The following GXYLT2 variants were observed in gnomAD, a reference collection of about 807,000 sequenced individuals.
GXYLT2 encodes the protein glycosyltransferase 8 domain containing 4.
A neutral mutation model predicts 45.8 loss-of-function variants in GXYLT2; 53 were observed. The observed-to-expected ratio is 1.16, with a 90% CI of 0.93 to 1.46. The LOEUF is 1.46. Among genes scored for constraint, GXYLT2 ranks in the 40% most tolerant of loss-of-function variants. The pLI, the probability that GXYLT2 is intolerant of heterozygous loss-of-function variation, is 0.00. For missense variants in GXYLT2, 551 were observed against 544.4 expected (o/e 1.01, Z -0.12); for synonymous variants, 219 against 214.2 (o/e 1.02, Z -0.19).
intron 2 of GXYLT2, among the ~76,000 whole-genome samples, chr3:72,916,487 C>T (rs1709746106): frequency 2.0e-5 from 3 of 151,720 alleles, no homozygotes; most frequent in Admixed American, 2.0e-4. Context: ...CACACCTGGC[C>T]ATAAATTCTT....
At chr3:72,897,496 C>T (rs1709317163) in intron 1 of GXYLT2, among the ~76,000 whole-genome samples, 1 of 152,198 alleles carries the variant, frequency 6.6e-6, no homozygotes, top group South Asian at 2.1e-4. Flanking sequence ...TCACCGATGG[C>T]TACAAGTGAA....
chr3:72,893,902 C>G (rs1709231874), intron 1 of GXYLT2, among the ~76,000 whole-genome samples: 2 of 151,540 alleles, frequency 1.3e-5, no homozygotes, highest in Admixed American at 1.3e-4. Flanking sequence ...AGTGTCTAAG[C>G]CCACCATCAT....
chr3:72,974,844 A>G (rs1445501497), intron 6 of GXYLT2, 133 bp from the exon 7 acceptor site: 1 of 628,748 alleles, frequency 1.6e-6, no homozygotes, highest in Admixed American at 3.3e-5. Flanking sequence ...TTAGATCCTC[A>G]AAGGTCTTTT....
At chr3:72,917,778 A>G (rs1316412911) in intron 2 of GXYLT2, among the ~76,000 whole-genome samples, 7 of 151,688 alleles carry the variant, frequency 4.6e-5, no homozygotes, top group Non-Finnish European at 7.4e-5. Context: ...AAAAAAGTTT[A>G]TATGGTTATA....
At chr3:72,894,703 C>T (rs937337791) in intron 1 of GXYLT2, among the ~76,000 whole-genome samples, 1 of 152,204 alleles carries the variant, frequency 6.6e-6, no homozygotes, top group Non-Finnish European at 1.5e-5. Flanking sequence ...ACGGGCTATA[C>T]AGGGGATTAA....
chr3:72,961,074 A>AT lies in GXYLT2; in HGVS notation c.976+3723dup, dbSNP rs572443228. Among the ~76,000 whole-genome samples the AT allele has an allele frequency of 1.4e-4, 22 of 152,318 alleles. No homozygotes were observed. The South Asian group carries it at 3.9e-3, about 27-fold the overall frequency. ...TTAGATAGTAAATGCCTGTGGGTGC[A>AT]TAATTGCAGTGCTGGGTAATAGACT... is the stretch of plus-strand genomic sequence containing the variant. On this transcript the variant is annotated intron_variant, in intron 5 of 6. Coordinates refer to ENST00000389617, the MANE Select transcript of GXYLT2 (RefSeq NM_001080393.2).
chr3:72,929,561 C>A, intron 3 of GXYLT2: 1 of 1,138,536 alleles, frequency 8.8e-7, no homozygotes, highest in Non-Finnish European at 1.3e-6. Context: ...ATCTCTTTGA[C>A]AAGCACACGC....
intron 3 of GXYLT2, among the ~76,000 whole-genome samples, chr3:72,930,592 CT>C (rs71126806): frequency 0.11 from 11,459 of 101,186 alleles, 470 homozygotes; most frequent in East Asian, 0.26. Context: ...TCTTCTTCTT[CT>C]TTTTTTTTTT....
chr3:72,955,579 A>G (rs1269993019), intron 4 of GXYLT2, among the ~76,000 whole-genome samples: 3 of 152,222 alleles, frequency 2.0e-5, no homozygotes, highest in East Asian at 1.9e-4. Context: ...CAGGAATACT[A>G]TGTTGCATTT....
intron 5 of GXYLT2, among the ~76,000 whole-genome samples, chr3:72,963,650 G>A (rs1043645741): frequency 2.0e-5 from 3 of 148,264 alleles, no homozygotes; most frequent in Non-Finnish European, 4.5e-5. Context: ...TTACAGGTGT[G>A]TACCACCATG....
At position 72,899,298 on chromosome 3, in the gene GXYLT2, T is replaced by G. The variant is rs79693746; in HGVS notation, c.276-9069T>G. ...GAATACAGCCTCATTTCAGATATCA[T>G]GAGCCAAGCTAAATATGTACTATTA... On this transcript the variant is annotated intron_variant, in intron 1 of 6. Transcript: ENST00000389617. Among the ~76,000 whole-genome samples the G allele has an allele frequency of 7.2e-5, 11 of 152,308 alleles. No homozygotes were observed. The East Asian group carries it at 2.1e-3, about 29-fold the overall frequency.
chr3:72,893,937 C>A (rs1709232245), intron 1 of GXYLT2, among the ~76,000 whole-genome samples: 1 of 151,966 alleles, frequency 6.6e-6, no homozygotes, highest in African/African-American at 2.4e-5. Context: ...ATAGTGTGAG[C>A]TTCTTGTATC....
At chr3:72,935,316 G>A (rs1710155411) in intron 3 of GXYLT2, among the ~76,000 whole-genome samples, 1 of 152,092 alleles carries the variant, frequency 6.6e-6, no homozygotes, top group East Asian at 1.9e-4. Context: ...TGAAAGTACA[G>A]CAAAAAACAA....
In GXYLT2 at chr3:72,890,223, C is replaced by T. The variant is rs144485515; in HGVS notation, c.275+1715C>T. On this transcript the variant is annotated intron_variant, in intron 1 of 6. Coordinates refer to ENST00000389617, the MANE Select transcript of GXYLT2 (RefSeq NM_001080393.2). ...GCCACCGCGCCGGGCCCAACCATAACCCTTTGACAGTGGTTCTCAAAGTGT... is the reference window on the plus strand; with the variant it reads ...GCCACCGCGCCGGGCCCAACCATAATCCTTTGACAGTGGTTCTCAAAGTGT... Among the ~76,000 whole-genome samples the T allele has an allele frequency of 4.5e-3, 685 of 152,216 alleles. 3 individuals carry two copies. The highest frequency in any genetic ancestry group is 8.0e-3 in the Admixed American group (123 of 15,284).
At chr3:72,888,729 A>G (rs545581300) in intron 1 of GXYLT2, among the ~76,000 whole-genome samples, 61 of 152,284 alleles carry the variant, frequency 4.0e-4, no homozygotes, top group African/African-American at 1.4e-3. Context: ...TTGAAGTGTC[A>G]AGGAAAGTGG....
intron 3 of GXYLT2, among the ~76,000 whole-genome samples, chr3:72,947,732 C>T (rs1349350256): frequency 2.6e-5 from 4 of 151,982 alleles, no homozygotes; most frequent in African/African-American, 4.8e-5. Flanking sequence ...ACCCAGGAGG[C>T]GGAGGTTGCA....
chr3:72,916,682 G>A (rs993535562), intron 2 of GXYLT2, among the ~76,000 whole-genome samples: 5 of 151,926 alleles, frequency 3.3e-5, no homozygotes, highest in Non-Finnish European at 7.4e-5. Context: ...TGGGATTACA[G>A]TCGTGCACTA....
chr3:72,915,573 A>G (rs1709725122), intron 2 of GXYLT2, among the ~76,000 whole-genome samples: 1 of 152,050 alleles, frequency 6.6e-6, no homozygotes, highest in Non-Finnish European at 1.5e-5. Context: ...CGGGTGGCTC[A>G]CGCCTGTAAT....
At chr3:72,916,067 T>C (rs1709736402) in intron 2 of GXYLT2, among the ~76,000 whole-genome samples, 2 of 151,766 alleles carry the variant, frequency 1.3e-5, no homozygotes, top group African/African-American at 2.4e-5. Flanking sequence ...TGGGTGTGAT[T>C]GTGTGATTTG....
Sources: gnomAD v4.1 joint callset for allele counts (sites outside exome capture counted in the v4.1 genomes callset) on GRCh38, gnomAD v4.1.1 for gene constraint, MANE v1.5 for transcripts, NCBI Gene and HGNC (gene_info 2026-07-23, HGNC 2026-07-21) for gene names.